The following EXT1 variants were observed in gnomAD, a reference collection of about 807,000 sequenced individuals.
EXT1 encodes the protein exostosin glycosyltransferase 1.
In EXT1, 20 loss-of-function variants were observed where a neutral mutation model predicts 82.5. That is an observed-to-expected ratio of 0.24 (90% CI 0.17 to 0.35). The LOEUF is 0.35. EXT1 is among the 10% of genes least tolerant of loss of function. The pLI is 1.00. For missense variants in EXT1, 757 were observed against 936.5 expected, an observed-to-expected ratio of 0.81 and a Z score of 2.50; for synonymous variants, 348 against 350.8, an observed-to-expected ratio of 0.99 and a Z score of 0.09.
intron 1 of EXT1, among the ~76,000 whole-genome samples, chr8:117,957,252 T>C (rs1814606330): frequency 6.6e-6 from 1 of 152,234 alleles, no homozygotes; most frequent in Admixed American, 6.5e-5. Context: ...ATTGCTGATA[T>C]TTTTGGAAGA....
At chr8:118,042,929 A>G (rs1348050407) in intron 1 of EXT1, among the ~76,000 whole-genome samples, 1 of 152,192 alleles carries the variant, frequency 6.6e-6, no homozygotes, top group East Asian at 1.9e-4. Flanking sequence ...GCATAGCTCA[A>G]TTATTATCTC....
chr8:117,946,149 T>C (rs1392032658), intron 1 of EXT1, among the ~76,000 whole-genome samples: 1 of 152,208 alleles, frequency 6.6e-6, no homozygotes, highest in Non-Finnish European at 1.5e-5. Context: ...TCTGCCCGCC[T>C]CGGCATTCCA....
chr8:117,881,578 T>C (rs1285708061), intron 1 of EXT1, among the ~76,000 whole-genome samples: 1 of 152,202 alleles, frequency 6.6e-6, no homozygotes, highest in Non-Finnish European at 1.5e-5. Flanking sequence ...ACCACCTCTG[T>C]GGTTCCAGGA....
chr8:118,093,501 A>G (rs754001410), intron 1 of EXT1, among the ~76,000 whole-genome samples: 12 of 152,084 alleles, frequency 7.9e-5, no homozygotes, highest in Non-Finnish European at 1.2e-4. Context: ...TAATTCTGTA[A>G]TGTATAAGAA....
At chr8:117,924,338 C>T (rs1343223958) in intron 1 of EXT1, among the ~76,000 whole-genome samples, 1 of 152,204 alleles carries the variant, frequency 6.6e-6, no homozygotes, top group Non-Finnish European at 1.5e-5. Flanking sequence ...ATCAGCTACC[C>T]TCCAGAGTAG....
At chr8:118,100,621 C>A (rs1487208695) in intron 1 of EXT1, among the ~76,000 whole-genome samples, 1 of 152,108 alleles carries the variant, frequency 6.6e-6, no homozygotes. Flanking sequence ...TGGCATGCAC[C>A]TGTAGTCCCA....
rs571946299 is a variant in EXT1 at position 117,916,132 on chromosome 8, T to A, written c.963-78931A>T. ...CTATATCTTGACACAGAAAAGTTATTTATACATAAATTACAGTAACTTTAC... is the reference window on the plus strand; with the variant it reads ...CTATATCTTGACACAGAAAAGTTATATATACATAAATTACAGTAACTTTAC... On this transcript the variant is annotated intron_variant, in intron 1 of 10. Transcript: ENST00000378204. 2.6e-5 allele frequency among the ~76,000 whole-genome samples: 4 copies of A among 152,352 alleles called. No individual in the cohort carries two copies. In the East Asian group the frequency reaches 7.7e-4, roughly 29 times the overall value.
At chr8:118,043,801 C>T (rs1816575702) in intron 1 of EXT1, among the ~76,000 whole-genome samples, 1 of 152,214 alleles carries the variant, frequency 6.6e-6, no homozygotes, top group Admixed American at 6.5e-5. Flanking sequence ...CTTACACCTC[C>T]ACTACTGGGA....
At chr8:118,077,753 C>G (rs1311276559) in intron 1 of EXT1, among the ~76,000 whole-genome samples, 1 of 152,144 alleles carries the variant, frequency 6.6e-6, no homozygotes, top group Non-Finnish European at 1.5e-5. Context: ...TAAAGAGTTA[C>G]CTTTTCTACC....
Position 117,957,199 on chromosome 8 carries a change from G to A in EXT1, c.963-119998C>T, listed in dbSNP as rs193237487. ...ACCACAGCAAATATTAAAAGCAGAA[G>A]ATCTCATGTGTGTGTTTTAAGAGTT... On this transcript the variant is annotated intron_variant, in intron 1 of 10. Coordinates refer to ENST00000378204, the MANE Select transcript of EXT1 (RefSeq NM_000127.3). Among the ~76,000 whole-genome samples, 12 of 152,296 alleles carry A rather than the reference G, an allele frequency of 7.9e-5. No individual in the cohort carries two copies. In the East Asian group the frequency reaches 2.3e-3, roughly 29 times the overall value.
At chr8:117,882,767 A>G (rs539831773) in intron 1 of EXT1, among the ~76,000 whole-genome samples, 5 of 152,102 alleles carry the variant, frequency 3.3e-5, no homozygotes, top group African/African-American at 1.2e-4. Context: ...ACTTGAGGAC[A>G]AGAGTCCGAT....
intron 1 of EXT1, among the ~76,000 whole-genome samples, chr8:117,900,533 C>T (rs1028959128): frequency 5.9e-5 from 9 of 152,204 alleles, no homozygotes; most frequent in Non-Finnish European, 1.2e-4. Flanking sequence ...CTGCTGACCA[C>T]CCCAAGTCTA....
intron 1 of EXT1, among the ~76,000 whole-genome samples, chr8:118,086,652 G>A (rs538660959): frequency 1.3e-5 from 2 of 152,222 alleles, no homozygotes; most frequent in East Asian, 3.9e-4. Flanking sequence ...GGGAGAAACC[G>A]AGAATCTTGG....
At chr8:117,902,295 A>G (rs1813464246) in intron 1 of EXT1, among the ~76,000 whole-genome samples, 1 of 152,202 alleles carries the variant, frequency 6.6e-6, no homozygotes, top group Admixed American at 6.5e-5. Context: ...TAAAAATAAC[A>G]ATAAAAAAAC....
At chr8:117,962,261 T>C (rs1186372626) in intron 1 of EXT1, among the ~76,000 whole-genome samples, 2 of 152,180 alleles carry the variant, frequency 1.3e-5, no homozygotes, top group African/African-American at 4.8e-5. Flanking sequence ...ATCTATGCTA[T>C]GAAAAGCAGA....
intron 1 of EXT1, among the ~76,000 whole-genome samples, chr8:118,033,048 C>T (rs1816356031): frequency 6.6e-6 from 1 of 152,176 alleles, no homozygotes; most frequent in Non-Finnish European, 1.5e-5. Flanking sequence ...GGCTCTTCCA[C>T]GGGTCAAGTA....
chr8:118,063,147 A>G (rs1816912284), intron 1 of EXT1, among the ~76,000 whole-genome samples: 1 of 152,216 alleles, frequency 6.6e-6, no homozygotes, highest in Admixed American at 6.5e-5. Context: ...TTAGGTGGAA[A>G]TTCATTTTTT....
chr8:118,040,669 T>C (rs1390938814), intron 1 of EXT1, among the ~76,000 whole-genome samples: 1 of 152,208 alleles, frequency 6.6e-6, no homozygotes, highest in African/African-American at 2.4e-5. Context: ...ATTAAAACAC[T>C]TACCACATTC....
At chr8:118,100,596 A>T (rs1399602059) in intron 1 of EXT1, among the ~76,000 whole-genome samples, 2 of 152,080 alleles carry the variant, frequency 1.3e-5, no homozygotes, top group Non-Finnish European at 2.9e-5. Context: ...AAATACAAAA[A>T]TTAGCTGGGC....
Sources: gnomAD v4.1 joint callset for allele counts (sites outside exome capture counted in the v4.1 genomes callset) on GRCh38, gnomAD v4.1.1 for gene constraint, MANE v1.5 for transcripts, NCBI Gene and HGNC (gene_info 2026-07-23, HGNC 2026-07-21) for gene names.